The following SPI1 variants were observed in gnomAD, a reference collection of about 807,000 sequenced individuals.
SPI1 encodes the protein transcription factor PU.1.
In SPI1, 3 loss-of-function variants were observed where a neutral mutation model predicts 30.7. The ratio of observed to expected loss-of-function variants is 0.10; its 90% CI spans 0.04 to 0.25. The LOEUF (loss-of-function observed/expected upper bound fraction) is 0.25. Among genes scored for constraint, SPI1 ranks in the 10% least tolerant of loss-of-function variants. The probability of loss-of-function intolerance (pLI) is 1.00; values close to 1 mark genes in which losing one functional copy is unlikely to be tolerated. For missense variants in SPI1, 261 were observed against 371.5 expected (o/e 0.70, Z 2.45); for synonymous variants, 169 against 157.1 (o/e 1.08, Z -0.56).
chr11:47,358,704 AAC>A lies in SPI1; in HGVS notation c.493+138_493+139del, dbSNP rs1459958043. 6.8e-6 allele frequency: 6 copies of A among 878,874 alleles called. No homozygotes were observed. The East Asian group carries it at 7.9e-5, about 12-fold the overall frequency. The allele number at this position is 878,874 out of a possible 1,614,324, so 54.4% of individuals were successfully genotyped here. ...GAGACAGCCACAGACAGCCCCACAA[AAC>A]ACACACACTGGCAAACATGCACACA... On this transcript the variant is annotated intron_variant, in intron 4 of 4. Coordinates refer to ENST00000378538, the MANE Select transcript of SPI1 (RefSeq NM_003120.3).
In SPI1 at chr11:47,359,745, G is replaced by A; in HGVS notation, c.330+108C>T. On this transcript the variant is annotated intron_variant, in intron 3 of 4. Transcript: ENST00000378538. The surrounding 1 kb of genome is among the most constrained non-coding windows in gnomAD (Gnocchi z 5.1). ...CTCCAGCCGCCGTTGGCACTGTGGG[G>A]CAGGAAGCTGAGTTGGGTAAGAGCC... is the stretch of plus-strand genomic sequence containing the variant. 1 of 1,296,226 alleles carries A rather than the reference G, an allele frequency of 7.7e-7. No individual in the cohort carries two copies. The highest frequency in any genetic ancestry group is 1.1e-6 in the Non-Finnish European group (1 of 936,178). 80.3% of individuals were successfully genotyped at this position (1,296,226 alleles called of 1,614,324 possible). A position where few individuals can be genotyped will look rare whatever the true frequency, so the allele number is the denominator to read the frequency against.
intron 2 of SPI1, among the ~76,000 whole-genome samples, chr11:47,362,866 G>A (rs996697798): frequency 4.6e-5 from 7 of 151,784 alleles, no homozygotes; most frequent in African/African-American, 9.7e-5. Flanking sequence ...GAGCCACTGC[G>A]CCCAGCTGAG....
chr11:47,354,870 A>G lies in SPI1; in HGVS notation c.*357T>C, dbSNP rs116330587. 333 of 198,694 alleles carry G rather than the reference A, an allele frequency of 1.7e-3. 1 individual carries two copies. Among genetic ancestry groups the G allele is most frequent in the African/African-American group, 7.0e-3 (302 of 43,014 alleles). The allele number at this position is 198,694 out of a possible 1,614,324, so 12.3% of individuals were successfully genotyped here. ...TGTGCTGCAAGAGGATGGATTGAGA[A>G]TAACTTTACTTGTTTTTTGGGAGGA... On this transcript the variant is annotated 3_prime_UTR_variant, in exon 5 of 5. Transcript: ENST00000378538.
intron 2 of SPI1, among the ~76,000 whole-genome samples, chr11:47,366,847 G>GAAAAGAA (rs2095928999): frequency 7.3e-6 from 1 of 136,566 alleles, no homozygotes; most frequent in South Asian, 2.4e-4. Flanking sequence ...GAAAAGAAAA[G>GAAAAGAA]AAAAGAAACA....
chr11:47,368,515 G>A (rs143649197), intron 2 of SPI1, among the ~76,000 whole-genome samples: 1 of 152,322 alleles, frequency 6.6e-6, no homozygotes, highest in East Asian at 1.9e-4. Flanking sequence ...AGTGTCGGAC[G>A]GCTGGATACG....
At position 47,375,680 on chromosome 11, in the gene SPI1, G is replaced by A. The variant is rs748468072; in HGVS notation, c.95C>T (p.Thr32Met). The change falls in exon 2 of 5, where the codon ACG becomes ATG. Residue 32 changes from threonine to methionine, a missense_variant. Physicochemically the swap from Thr to Met is moderately conservative, Grantham distance 81 (BLOSUM62 -1). Around this residue, in one of 5 missense-constraint regions of SPI1, gnomAD observed 78 missense variants for 93.2 expected, o/e 0.84. Coordinates refer to ENST00000378538, the MANE Select transcript of SPI1 (RefSeq NM_003120.3). The surrounding 1 kb of genome is among the most constrained non-coding windows in gnomAD (Gnocchi z 4.2). ...GCTGAGATAGGGGTAATACTCGTGC[G>A]TTTGGCGTTGGTATAGATCCGTGTC... is the stretch of plus-strand genomic sequence containing the variant. ...PYDTDLYQRQ[T>M]HEYYPYLSSD... 19 of 1,614,000 alleles carry A rather than the reference G, an allele frequency of 1.2e-5. No individual in the cohort carries two copies. Among genetic ancestry groups the A allele is most frequent in the East Asian group, 6.7e-5 (3 of 44,876 alleles).
At chr11:47,358,661 A>G (rs760947046) in intron 4 of SPI1, 183 bp downstream of exon 4, 1 of 721,768 alleles carries the variant, frequency 1.4e-6, no homozygotes, top group South Asian at 1.5e-5. Flanking sequence ...TGCACTACAC[A>G]GCAGATACAC....
intron 2 of SPI1, among the ~76,000 whole-genome samples, chr11:47,372,840 T>C (rs767832771): frequency 2.0e-5 from 3 of 152,210 alleles, no homozygotes; most frequent in Non-Finnish European, 4.4e-5. Flanking sequence ...ATTTTCATGC[T>C]GTCAGTTTTA....
chr11:47,365,744 T>G (rs2095927203), intron 2 of SPI1, among the ~76,000 whole-genome samples: 1 of 152,218 alleles, frequency 6.6e-6, no homozygotes, highest in African/African-American at 2.4e-5. Flanking sequence ...TCGCCCAGAC[T>G]GGAATGCAGT....
chr11:47,373,504 C>T (rs1565644588), intron 2 of SPI1, among the ~76,000 whole-genome samples: 1 of 149,064 alleles, frequency 6.7e-6, no homozygotes, highest in African/African-American at 2.5e-5. Flanking sequence ...AAAAATTAGC[C>T]AGGCATGGTA....
At position 47,354,860 on chromosome 11, in the gene SPI1, T is replaced by G; in HGVS notation, c.*367A>C. The G allele has an allele frequency of 1.1e-5, 2 of 184,592 alleles. No homozygotes were observed. The highest frequency in any genetic ancestry group is 1.1e-5 in the Non-Finnish European group (1 of 89,216). The allele number at this position is 184,592 out of a possible 1,614,324, so 11.4% of individuals were successfully genotyped here. On this transcript the variant is annotated 3_prime_UTR_variant, in exon 5 of 5. Transcript: ENST00000378538. ...AAAGAGACTCTGTGCTGCAAGAGGA[T>G]GGATTGAGAATAACTTTACTTGTTT...
At chr11:47,356,810 C>T (rs917314409) in intron 4 of SPI1, among the ~76,000 whole-genome samples, 6 of 150,620 alleles carry the variant, frequency 4.0e-5, no homozygotes, top group Non-Finnish European at 7.4e-5. Flanking sequence ...ACGCACACAC[C>T]TGCTTACACA....
At chr11:47,364,337 C>G (rs2095925408) in intron 2 of SPI1, among the ~76,000 whole-genome samples, 1 of 152,076 alleles carries the variant, frequency 6.6e-6, no homozygotes, top group Non-Finnish European at 1.5e-5. Flanking sequence ...GGCGTCTGGC[C>G]TTAATTTGCA....
chr11:47,376,583 C>G (rs1363803772), intron 1 of SPI1, among the ~76,000 whole-genome samples: 1 of 151,408 alleles, frequency 6.6e-6, no homozygotes, highest in Non-Finnish European at 1.5e-5. Context: ...CCTTTGCTTC[C>G]TCCTCCCCCT....
At chr11:47,367,343 C>G (rs1345263244) in intron 2 of SPI1, among the ~76,000 whole-genome samples, 1 of 151,948 alleles carries the variant, frequency 6.6e-6, no homozygotes, top group African/African-American at 2.4e-5. Context: ...CATTTTAGGT[C>G]AGGAGTTTGA....
chr11:47,372,483 C>G (rs1020977476), intron 2 of SPI1, among the ~76,000 whole-genome samples: 1 of 152,078 alleles, frequency 6.6e-6, no homozygotes, highest in Admixed American at 6.6e-5. Flanking sequence ...CTCCCCAGAG[C>G]CTACAAGAGT....
rs568285967 is a variant in SPI1, at chr11:47,355,889, C to G, written c.494-343G>C. On this transcript the variant is annotated intron_variant, in intron 4 of 4. Coordinates refer to ENST00000378538, the MANE Select transcript of SPI1 (RefSeq NM_003120.3). ...ACATGCTCACACATCACGCCCACAC[C>G]CACTCACACACGTGCTCACACAACG... 1.8e-4 allele frequency among the ~76,000 whole-genome samples: 27 copies of G among 151,170 alleles called. 1 individual carries two copies. Among genetic ancestry groups the G allele is most frequent in the African/African-American group, 6.1e-4 (25 of 41,040 alleles).
chr11:47,370,753 A>C (rs1166953910), intron 2 of SPI1, among the ~76,000 whole-genome samples: 2 of 152,188 alleles, frequency 1.3e-5, no homozygotes, highest in Non-Finnish European at 2.9e-5. Context: ...GTACAGGTAA[A>C]GAAAGGATGC....
At position 47,378,502 on chromosome 11, in the gene SPI1, A is replaced by T; in HGVS notation, c.-149T>A. The T allele has an allele frequency of 1.3e-6, 1 of 756,402 alleles. No homozygotes were observed. The highest frequency in any genetic ancestry group is 2.2e-6 in the Non-Finnish European group (1 of 462,424). 46.9% of individuals were successfully genotyped at this position (756,402 alleles called of 1,614,324 possible). A position where few individuals can be genotyped will look rare whatever the true frequency, so the allele number is the denominator to read the frequency against. ...CCCTGAGCTACAGGAGCCCTGGGTG[A>T]GCCCCCTCCCTTGACATTGCAGGGC... On this transcript the variant is annotated 5_prime_UTR_variant, in exon 1 of 5. Coordinates refer to ENST00000378538, the MANE Select transcript of SPI1 (RefSeq NM_003120.3).
Sources: gnomAD v4.1 joint callset for allele counts (sites outside exome capture counted in the v4.1 genomes callset) on GRCh38, gnomAD v4.1.1 for gene constraint, gnomAD v4.1.1 regional missense constraint, Gnocchi (gnomAD v3.1) non-coding constraint, MANE v1.5 for transcripts, NCBI Gene and HGNC (gene_info 2026-07-23, HGNC 2026-07-21) for gene names.